The following ELN variants were observed in gnomAD, a reference collection of about 807,000 sequenced individuals.
The protein encoded by ELN is tropoelastin.
In ELN, 65 loss-of-function variants were observed where a neutral mutation model predicts 105.8. The ratio of observed to expected loss-of-function variants is 0.61; its 90% CI spans 0.50 to 0.75. The LOEUF (loss-of-function observed/expected upper bound fraction) is 0.75. ELN is among the 30% of genes least tolerant of loss of function. The pLI, the probability that ELN is intolerant of heterozygous loss-of-function variation, is 0.00. For missense variants in ELN, 882 were observed against 969.4 expected (o/e 0.91, Z 1.20); for synonymous variants, 368 against 389.2 (o/e 0.95, Z 0.64).
In ELN at chr7:74,053,164, AGCT is replaced by A; in HGVS notation, c.957_959del (p.Ala320del). On this transcript the variant is annotated inframe_deletion and splice_region_variant, in exon 18 of 33. Transcript: ENST00000252034. ...GGAACAATGCTTTTTCTTCCACAGG[AGCT>A]GCTGCAGGCTTAGTGCCTGGTGGGC... 3.1e-6 allele frequency: 5 copies of A among 1,613,954 alleles called. No individual in the cohort carries two copies. Among genetic ancestry groups the A allele is most frequent in the Non-Finnish European group, 4.2e-6 (5 of 1,179,982 alleles).
intron 5 of ELN, 146 bp downstream of exon 5, chr7:74,041,397 T>A (rs1331188927): frequency 2.0e-6 from 2 of 1,012,248 alleles, no homozygotes; most frequent in Admixed American, 3.8e-5. Flanking sequence ...TGATACCAAC[T>A]GCCCCAAGCA....
At chr7:74,057,500 T>TG in intron 21 of ELN, 140 bp from the exon 22 acceptor site, 1 of 1,588,366 alleles carries the variant, frequency 6.3e-7, no homozygotes, top group Non-Finnish European at 8.6e-7. Flanking sequence ...GAGATGGGTT[T>TG]GGTTTGTCTC....
At chr7:74,056,114 G>A (rs1046822298) in intron 19 of ELN, among the ~76,000 whole-genome samples, 157 bp from the exon 20 acceptor site, 2 of 152,188 alleles carry the variant, frequency 1.3e-5, no homozygotes, top group Non-Finnish European at 1.5e-5. Flanking sequence ...GCTTCATGGT[G>A]GAGGTGCTGG....
At chr7:74,037,863 G>C in intron 4 of ELN, 124 bp downstream of exon 4, 2 of 1,429,530 alleles carry the variant, frequency 1.4e-6, no homozygotes, top group Non-Finnish European at 1.9e-6. Context: ...GCAGGAGGAA[G>C]GAGGGAGGTG....
Position 74,063,592 on chromosome 7 carries a change from C to A in ELN, c.1919-29C>A. ...GCTTCAGTCCCACCTTTCTGACCAGCGGAGTCTAATGCTCAGCTGTCTCCA... is the reference window on the plus strand; with the variant it reads ...GCTTCAGTCCCACCTTTCTGACCAGAGGAGTCTAATGCTCAGCTGTCTCCA... On this transcript the variant is annotated intron_variant, in intron 28 of 32. Transcript: ENST00000252034. The surrounding 1 kb of genome is among the most constrained non-coding windows in gnomAD (Gnocchi z 4.1). 1 of 1,614,102 alleles carries A rather than the reference C, an allele frequency of 6.2e-7. No individual in the cohort carries two copies.
rs1791562015 is a variant in ELN at position 74,042,893 on chromosome 7, A to G, written c.326-91A>G. The G allele has an allele frequency of 6.9e-6, 11 of 1,604,596 alleles. No individual in the cohort carries two copies. The South Asian group carries it at 1.2e-4, about 18-fold the overall frequency. On this transcript the variant is annotated intron_variant, in intron 6 of 32. Transcript: ENST00000252034. Reference sequence around the variant, plus strand: ...GAAGGTGAGTTAGTAACGGGGCCAGACCTCAATGCTGGGCCCTCAGCATGC... The same window carrying G: ...GAAGGTGAGTTAGTAACGGGGCCAGGCCTCAATGCTGGGCCCTCAGCATGC...
chr7:74,034,329 GC>G (rs1281570872), intron 1 of ELN, among the ~76,000 whole-genome samples: 5 of 152,184 alleles, frequency 3.3e-5, no homozygotes, highest in Non-Finnish European at 4.4e-5. Flanking sequence ...GGAGTGGGCT[GC>G]CTGGTGAGAG....
rs534519999 is a variant in ELN, at chr7:74,061,282, C to T, written c.1786+143C>T. ...CTGTAATCCCAGCACTTTGGGAGGC[C>T]GAGGCAGGCAGATCACCTGAGGTCA... On this transcript the variant is annotated intron_variant, in intron 26 of 32. Coordinates refer to ENST00000252034, the MANE Select transcript of ELN (RefSeq NM_000501.4). 104 of 1,007,780 alleles carry T rather than the reference C, an allele frequency of 1.0e-4. No individual in the cohort carries two copies. In the African/African-American group the frequency reaches 1.4e-3, roughly 13 times the overall value. The allele number at this position is 1,007,780 out of a possible 1,614,324, so 62.4% of individuals were successfully genotyped here. A position where few individuals can be genotyped will look rare whatever the true frequency, so the allele number is the denominator to read the frequency against.
Position 74,046,038 on chromosome 7 carries a change from A to G in ELN, c.542-150A>G, listed in dbSNP as rs549097942. 3 of 1,132,286 alleles carry G rather than the reference A, an allele frequency of 2.6e-6. No homozygotes were observed. The African/African-American group carries it at 4.6e-5, about 17-fold the overall frequency. 70.1% of individuals were successfully genotyped at this position (1,132,286 alleles called of 1,614,324 possible). A position where few individuals can be genotyped will look rare whatever the true frequency, so the allele number is the denominator to read the frequency against. The stretch of plus-strand genomic sequence containing the variant: ...CGACAAGAGCGAAACTCCATCTCCG[A>G]AAAAAGAAACCCCAGAGTTCATGTG... On this transcript the variant is annotated intron_variant, in intron 10 of 32. Transcript: ENST00000252034.
In ELN at chr7:74,059,519, T is replaced by C. The variant is rs186417651; in HGVS notation, c.1415-367T>C. ...CAACATGGTGAAACCCTGTCTCTAC[T>C]AAAAATACAAAAAAATTAGCCGGGC... On this transcript the variant is annotated intron_variant, in intron 22 of 32. Coordinates refer to ENST00000252034, the MANE Select transcript of ELN (RefSeq NM_000501.4). The C allele has an allele frequency of 1.6e-3, 583 of 358,014 alleles. 1 individual carries two copies. Among genetic ancestry groups the C allele is most frequent in the African/African-American group, 0.011 (536 of 47,722 alleles). The allele number at this position is 358,014 out of a possible 1,614,324, so 22.2% of individuals were successfully genotyped here. A position where few individuals can be genotyped will look rare whatever the true frequency, so the allele number is the denominator to read the frequency against.
intron 20 of ELN, 21 bp downstream of exon 20, chr7:74,056,456 G>C: frequency 6.2e-7 from 1 of 1,613,192 alleles, no homozygotes; most frequent in East Asian, 2.2e-5. Flanking sequence ...GTCACACCTG[G>C]GGACATGGGT....
intron 1 of ELN, among the ~76,000 whole-genome samples, chr7:74,031,860 AGAAGGAAGGAAGGAAGGAAGGAAGGAAG>A (rs60029188): frequency 8.4e-5 from 9 of 107,126 alleles, no homozygotes; most frequent in Admixed American, 7.9e-4. Context: ...AAGGAAGGAA[AGAAGGAAGGAAGGAAGGAAGGAAGGAAG>A]GAAGGAAGGA....
Position 74,051,272 on chromosome 7 carries a change from C to T in ELN, c.800-478C>T, listed in dbSNP as rs1793962532. Among the ~76,000 whole-genome samples the T allele has an allele frequency of 1.3e-5, 2 of 152,248 alleles. 1 individual carries two copies. Among genetic ancestry groups the T allele is most frequent in the South Asian group, 4.1e-4 (2 of 4,828 alleles). On this transcript the variant is annotated intron_variant, in intron 15 of 32. Coordinates refer to ENST00000252034, the MANE Select transcript of ELN (RefSeq NM_000501.4). Reference sequence around the variant, plus strand: ...GGCCTCCCAGTGGAGGCCCCGCAGGCCCCCCTCCCAGCACCCGAGGCTCCT... The same window carrying T: ...GGCCTCCCAGTGGAGGCCCCGCAGGTCCCCCTCCCAGCACCCGAGGCTCCT...
rs573898491 is a variant in ELN at position 74,068,807 on chromosome 7, C to T, written c.*107C>T. ...TCCCATGCCCCTCCGACTCCCCACC[C>T]CAGGAGGGAACGGGCAGGCCGGGCG... On this transcript the variant is annotated 3_prime_UTR_variant, in exon 33 of 33. Coordinates refer to ENST00000252034, the MANE Select transcript of ELN (RefSeq NM_000501.4). 2 of 1,420,362 alleles carry T rather than the reference C, an allele frequency of 1.4e-6. No individual in the cohort carries two copies. The highest frequency in any genetic ancestry group is 4.6e-5 in the East Asian group (2 of 43,694). 88.0% of individuals were successfully genotyped at this position (1,420,362 alleles called of 1,614,324 possible).
At chr7:74,044,701 T>C (rs1047429734) in intron 9 of ELN, among the ~76,000 whole-genome samples, 1 of 152,200 alleles carries the variant, frequency 6.6e-6, no homozygotes, top group Admixed American at 6.5e-5. Context: ...TGGGATTTGC[T>C]GATGGAGTGG....
chr7:74,057,613 T>G (rs1226591563), intron 21 of ELN, 27 bp from the exon 22 acceptor site: 2 of 1,613,692 alleles, frequency 1.2e-6, no homozygotes, highest in Non-Finnish European at 1.7e-6. Flanking sequence ...GAGATTACTC[T>G]CTCACCCCTT....
chr7:74,060,104 C>T (rs199901858), intron 23 of ELN, 36 bp from the exon 24 acceptor site: 1 of 1,614,184 alleles, frequency 6.2e-7, no homozygotes, highest in East Asian at 2.2e-5. Context: ...TGGGCCCCGC[C>T]TCCATCTCTA....
intron 15 of ELN, among the ~76,000 whole-genome samples, chr7:74,048,911 C>A (rs1793211814): frequency 6.6e-6 from 1 of 151,952 alleles, no homozygotes; most frequent in African/African-American, 2.4e-5. Flanking sequence ...ATTCATCCAT[C>A]CATCCATCCA....
At chr7:74,033,741 C>T (rs547654027) in intron 1 of ELN, among the ~76,000 whole-genome samples, 2 of 152,212 alleles carry the variant, frequency 1.3e-5, no homozygotes, top group East Asian at 1.9e-4. Context: ...AGAGGCCAGA[C>T]GTCTGGCCGC....
Sources: allele counts gnomAD v4.1 joint callset (sites outside exome capture counted in the v4.1 genomes callset), GRCh38; gene constraint gnomAD v4.1.1; non-coding constraint Gnocchi (gnomAD v3.1); transcripts MANE v1.5; gene names NCBI Gene and HGNC (gene_info 2026-07-23, HGNC 2026-07-21).